Variants in TMX4 observed in about 807,000 individuals in gnomAD.
TMX4 encodes the protein thioredoxin related transmembrane protein 4, also known as thioredoxin-related transmembrane protein 4.
In TMX4, 23 loss-of-function variants were observed where a neutral mutation model predicts 33.3. The observed-to-expected ratio is 0.69, with a 90% CI of 0.50 to 0.98. TMX4 has a LOEUF of 0.98. Among genes scored for constraint, TMX4 ranks in the 50% least tolerant of loss-of-function variants. The pLI is 0.00. For synonymous variants in TMX4, 164 were observed against 161.5 expected (o/e 1.02, Z -0.12); for missense variants, 399 against 448.9 (o/e 0.89, Z 1.01).
intron 2 of TMX4, among the ~76,000 whole-genome samples, chr20:8,007,444 T>C (rs577197796): frequency 6.6e-6 from 1 of 152,304 alleles, no homozygotes; most frequent in Non-Finnish European, 1.5e-5. Flanking sequence ...TGATCCCCTG[T>C]AGTCAATTTT....
At chr20:7,984,430 G>A (rs1292100452) in intron 6 of TMX4, among the ~76,000 whole-genome samples, 2 of 152,194 alleles carry the variant, frequency 1.3e-5, no homozygotes, top group East Asian at 1.9e-4. Flanking sequence ...AGGAGACCCA[G>A]GAGGTGGGGC....
chr20:8,003,172 A>C (rs6133522), intron 2 of TMX4, among the ~76,000 whole-genome samples: 25,794 of 152,154 alleles, frequency 0.17, 3,576 homozygotes, highest in East Asian at 0.53. Context: ...CTTTGGTTTA[A>C]GATAATTATT....
intron 7 of TMX4, 118 bp downstream of exon 7, chr20:7,983,676 T>G: frequency 1.6e-6 from 1 of 618,044 alleles, no homozygotes; most frequent in Non-Finnish European, 2.7e-6. Context: ...AGAAATTTGG[T>G]AGTGATTATT....
At chr20:7,990,641 T>C (rs1217963276) in intron 5 of TMX4, among the ~76,000 whole-genome samples, 1 of 152,178 alleles carries the variant, frequency 6.6e-6, no homozygotes, top group Non-Finnish European at 1.5e-5. Flanking sequence ...CAGCCCAGTG[T>C]TGCAGAGTCT....
intron 3 of TMX4, among the ~76,000 whole-genome samples, chr20:8,000,392 G>C (rs1200088666): frequency 6.6e-6 from 1 of 152,040 alleles, no homozygotes; most frequent in South Asian, 2.1e-4. Context: ...GGTGCAACTG[G>C]GGGTTCTGCT....
At chr20:7,982,872 T>C (rs143232196) in intron 7 of TMX4, among the ~76,000 whole-genome samples, 340 of 152,288 alleles carry the variant, frequency 2.2e-3, no homozygotes, top group Non-Finnish European at 3.4e-3. Context: ...CAAAGGGTCC[T>C]TTACGCTCGG....
At chr20:8,011,607 A>C (rs541946861) in intron 1 of TMX4, among the ~76,000 whole-genome samples, 8 of 152,270 alleles carry the variant, frequency 5.3e-5, no homozygotes, top group African/African-American at 1.9e-4. Flanking sequence ...TAAAAAGCGA[A>C]GACTAGGGGA....
At chr20:7,986,886 A>T (rs1386096703) in intron 6 of TMX4, among the ~76,000 whole-genome samples, 1 of 151,814 alleles carries the variant, frequency 6.6e-6, no homozygotes. Flanking sequence ...AACAACAACA[A>T]CAATCTTGCA....
chr20:8,001,259 A>G (rs2122868514), intron 3 of TMX4, among the ~76,000 whole-genome samples: 2 of 152,232 alleles, frequency 1.3e-5, no homozygotes, highest in Middle Eastern at 3.4e-3. Context: ...CCCACCTCTG[A>G]TATCACCAGA....
At chr20:8,002,504 C>T (rs1468067937) in intron 2 of TMX4, among the ~76,000 whole-genome samples, 1 of 152,064 alleles carries the variant, frequency 6.6e-6, no homozygotes, top group African/African-American at 2.4e-5. Context: ...TTTGCATGGG[C>T]ACCAAGAATA....
At chr20:8,018,520 G>GCA (rs1568541337) in intron 1 of TMX4, among the ~76,000 whole-genome samples, 1,331 of 48,578 alleles carry the variant, frequency 0.027, 264 homozygotes, top group African/African-American at 0.06. Flanking sequence ...GAGAGAGAGA[G>GCA]AGAGAGAGTC....
At chr20:7,994,136 T>C (rs994267444) in intron 5 of TMX4, among the ~76,000 whole-genome samples, 4 of 152,170 alleles carry the variant, frequency 2.6e-5, no homozygotes, top group Non-Finnish European at 5.9e-5. Flanking sequence ...TTATAAAATG[T>C]AATTACTTGT....
intron 1 of TMX4, chr20:8,019,212 A>T (rs904851069): frequency 1.3e-5 from 7 of 534,548 alleles, no homozygotes; most frequent in Non-Finnish European, 2.2e-5. Context: ...CGGGCCCCAC[A>T]GCCGCAGGTC....
At chr20:8,012,427 A>G (rs1453121372) in intron 1 of TMX4, among the ~76,000 whole-genome samples, 1 of 152,124 alleles carries the variant, frequency 6.6e-6, no homozygotes, top group Non-Finnish European at 1.5e-5. Context: ...CTGACCTTAC[A>G]GCCTCACTGC....
chr20:8,001,110 C>T (rs1408128609), intron 3 of TMX4, among the ~76,000 whole-genome samples: 2 of 152,176 alleles, frequency 1.3e-5, no homozygotes, highest in Non-Finnish European at 2.9e-5. Context: ...TACCTGTGGT[C>T]CAGCCATAAA....
intron 2 of TMX4, among the ~76,000 whole-genome samples, chr20:8,005,038 T>C (rs1037843750): frequency 2.0e-5 from 3 of 152,146 alleles, no homozygotes; most frequent in Non-Finnish European, 2.9e-5. Context: ...GTCAACATAA[T>C]AGAAAACAAG....
intron 2 of TMX4, among the ~76,000 whole-genome samples, chr20:8,006,070 C>A (rs1442898115): frequency 6.6e-6 from 1 of 152,144 alleles, no homozygotes; most frequent in Non-Finnish European, 1.5e-5. Context: ...AAAGAGCACA[C>A]GGTAACACAC....
chr20:8,009,573 G>A (rs2050743884), intron 2 of TMX4, among the ~76,000 whole-genome samples: 1 of 152,036 alleles, frequency 6.6e-6, no homozygotes, highest in African/African-American at 2.4e-5. Flanking sequence ...CTTCTAATGA[G>A]ATGTAATATG....
intron 2 of TMX4, among the ~76,000 whole-genome samples, chr20:8,007,007 T>C (rs1331506634): frequency 1.3e-5 from 2 of 152,190 alleles, no homozygotes; most frequent in Admixed American, 1.3e-4. Context: ...CCTAAGTTGA[T>C]CCGCTCGCCT....
Sources: allele counts gnomAD v4.1 joint callset (sites outside exome capture counted in the v4.1 genomes callset), GRCh38; gene constraint gnomAD v4.1.1; transcripts MANE v1.5; gene names NCBI Gene and HGNC (gene_info 2026-07-23, HGNC 2026-07-21).